Variants in DPYD observed in about 807,000 individuals in gnomAD.
DPYD encodes the protein dihydropyrimidine dehydrogenase [NADP(+)].
DPYD carries 109 observed loss-of-function variants against 116.2 expected under a neutral mutation model. The observed-to-expected ratio is 0.94, with a 90% CI of 0.80 to 1.10. The LOEUF is 1.10. DPYD is among the 50% of genes least tolerant of loss of function. The pLI, the probability that DPYD is intolerant of heterozygous loss-of-function variation, is 0.00. For missense variants in DPYD, 1,302 were observed against 1,254.5 expected (o/e 1.04, Z -0.57); for synonymous variants, 440 against 432.0 (o/e 1.02, Z -0.23).
At chr1:97,800,886 A>T (rs756749295) in intron 3 of DPYD, among the ~76,000 whole-genome samples, 7 of 151,690 alleles carry the variant, frequency 4.6e-5, no homozygotes, top group Non-Finnish European at 8.8e-5. Flanking sequence ...ATTATTTTTG[A>T]TTGTTCCAAT....
At chr1:97,663,433 T>C (rs903288280) in intron 8 of DPYD, among the ~76,000 whole-genome samples, 1 of 152,202 alleles carries the variant, frequency 6.6e-6, no homozygotes, top group African/African-American at 2.4e-5. Flanking sequence ...CAGTATCTAA[T>C]CAGTAACCAA....
chr1:97,774,518 C>A (rs1319004975), intron 3 of DPYD, among the ~76,000 whole-genome samples: 1 of 152,170 alleles, frequency 6.6e-6, no homozygotes, highest in Non-Finnish European at 1.5e-5. Context: ...TAGAGGTACA[C>A]CGACTCAGCC....
chr1:97,830,907 C>T (rs956779806), intron 2 of DPYD, among the ~76,000 whole-genome samples: 2 of 152,076 alleles, frequency 1.3e-5, no homozygotes, highest in South Asian at 2.1e-4. Context: ...ATAATTTTAT[C>T]AGGAAGTGGT....
At chr1:97,208,780 A>C (rs1006068931) in intron 19 of DPYD, among the ~76,000 whole-genome samples, 82 of 152,264 alleles carry the variant, frequency 5.4e-4, no homozygotes, top group African/African-American at 1.9e-3. Flanking sequence ...TTTCTGTCAG[A>C]ATGAACTTTC....
chr1:97,303,307 T>C (rs1466477515), intron 18 of DPYD, among the ~76,000 whole-genome samples: 1 of 152,020 alleles, frequency 6.6e-6, no homozygotes, highest in African/African-American at 2.4e-5. Context: ...AAAGCAGACA[T>C]TGCCATGCTC....
At chr1:97,255,266 G>T (rs1311834067) in intron 18 of DPYD, among the ~76,000 whole-genome samples, 1 of 152,144 alleles carries the variant, frequency 6.6e-6, no homozygotes, top group Non-Finnish European at 1.5e-5. Context: ...CTTCCTATAT[G>T]ACAAGCTCTA....
rs1311266040 is a variant in DPYD, at chr1:97,552,397, C to T, written c.1340-2653G>A. On this transcript the variant is annotated intron_variant, in intron 11 of 22. Coordinates refer to ENST00000370192, the MANE Select transcript of DPYD (RefSeq NM_000110.4). Reference sequence around the variant, plus strand: ...TTTAACACTCCACCTGTCACAAACTCGGTCCATAAGTAGTCAGGAAATGTT... The same window carrying T: ...TTTAACACTCCACCTGTCACAAACTTGGTCCATAAGTAGTCAGGAAATGTT... Among the ~76,000 whole-genome samples, 7 of 152,030 alleles carry T rather than the reference C, an allele frequency of 4.6e-5. No homozygotes were observed. In the East Asian group the frequency reaches 1.4e-3, roughly 29 times the overall value.
intron 8 of DPYD, among the ~76,000 whole-genome samples, chr1:97,608,717 T>C (rs1655753468): frequency 6.6e-6 from 1 of 151,554 alleles, no homozygotes; most frequent in Non-Finnish European, 1.5e-5. Context: ...TTCATTTTAA[T>C]TGGAGCACAT....
chr1:97,852,425 A>G (rs1670621596), intron 2 of DPYD, among the ~76,000 whole-genome samples: 1 of 152,124 alleles, frequency 6.6e-6, no homozygotes. Context: ...AACCTCCTCA[A>G]CATCACAGAG....
chr1:97,545,702 G>C, intron 12 of DPYD: 1 of 928,100 alleles, frequency 1.1e-6, no homozygotes, highest in Non-Finnish European at 1.7e-6. Context: ...ACTAAAAACT[G>C]CCAACTAATA....
chr1:97,172,983 T>A (rs1345247519), intron 20 of DPYD, among the ~76,000 whole-genome samples: 1 of 152,100 alleles, frequency 6.6e-6, no homozygotes, highest in Non-Finnish European at 1.5e-5. Context: ...TCCTTCTAAT[T>A]CCATAACTCC....
intron 19 of DPYD, among the ~76,000 whole-genome samples, chr1:97,225,691 TC>T (rs1227317351): frequency 1.3e-5 from 2 of 152,124 alleles, no homozygotes; most frequent in East Asian, 3.9e-4. Context: ...GTTGATTGCT[TC>T]CTTTTTTGTA....
intron 1 of DPYD, among the ~76,000 whole-genome samples, chr1:97,888,055 C>A (rs977165962): frequency 1.3e-5 from 2 of 152,010 alleles, no homozygotes; most frequent in African/African-American, 4.8e-5. Flanking sequence ...CAGTTCTTTA[C>A]AGCAGCATGA....
intron 3 of DPYD, among the ~76,000 whole-genome samples, chr1:97,752,192 G>C (rs923461217): frequency 1.3e-5 from 2 of 151,852 alleles, no homozygotes; most frequent in African/African-American, 4.8e-5. Flanking sequence ...TAGAACTGTT[G>C]AGTTTCATGT....
At chr1:97,163,387 G>T (rs575689463) in intron 20 of DPYD, among the ~76,000 whole-genome samples, 4 of 152,246 alleles carry the variant, frequency 2.6e-5, no homozygotes, top group South Asian at 2.1e-4. Context: ...TTTCCAAATG[G>T]AAAGAAAACA....
At chr1:97,856,597 T>C (rs937467546) in intron 2 of DPYD, 1 of 152,224 alleles carries the variant, frequency 6.6e-6, no homozygotes, top group African/African-American at 2.4e-5. Flanking sequence ...ATCCTTGATA[T>C]TCCAAGTGAA....
chr1:97,873,552 A>G (rs990535838), intron 2 of DPYD, among the ~76,000 whole-genome samples: 2 of 151,942 alleles, frequency 1.3e-5, no homozygotes, highest in Admixed American at 6.6e-5. Flanking sequence ...TTAGTAGATA[A>G]AACTTACATA....
intron 19 of DPYD, among the ~76,000 whole-genome samples, chr1:97,228,988 G>C (rs1661388190): frequency 6.6e-6 from 1 of 151,940 alleles, no homozygotes; most frequent in South Asian, 2.1e-4. Flanking sequence ...ACGAGGTCAG[G>C]AGATTGAGAC....
intron 13 of DPYD, among the ~76,000 whole-genome samples, chr1:97,482,551 A>T (rs1678381264): frequency 6.6e-6 from 1 of 152,218 alleles, no homozygotes; most frequent in South Asian, 2.1e-4. Context: ...ACACATGGCT[A>T]AAGAACTTGT....
Sources: allele counts gnomAD v4.1 joint callset (sites outside exome capture counted in the v4.1 genomes callset), GRCh38; gene constraint gnomAD v4.1.1; transcripts MANE v1.5; gene names NCBI Gene and HGNC (gene_info 2026-07-23, HGNC 2026-07-21).